The following ASB10 variants were observed in gnomAD, a reference collection of about 807,000 sequenced individuals.
ASB10 encodes the protein ankyrin repeat and SOCS box containing 10, also known as ankyrin repeat and SOCS box protein 10.
A neutral mutation model predicts 35.4 loss-of-function variants in ASB10; 44 were observed. That is an observed-to-expected ratio of 1.24 (90% CI 0.98 to 1.60). The LOEUF is 1.60. Among genes scored for constraint, ASB10 ranks in the 40% most tolerant of loss-of-function variants. The pLI is 0.00. For missense variants in ASB10, 647 were observed against 634.3 expected (o/e 1.02, Z -0.22); for synonymous variants, 294 against 280.4 (o/e 1.05, Z -0.49).
chr7:151,181,744 C>T, intron 2 of ASB10, among the ~76,000 whole-genome samples: 1 of 151,898 alleles, frequency 6.6e-6, no homozygotes, highest in Non-Finnish European at 1.5e-5. Flanking sequence ...TCCAGAGTAG[C>T]TGGGATTACA....
chr7:151,187,524 G>A (rs1364688167), upstream of ASB10: 2 of 1,551,394 alleles, frequency 1.3e-6, no homozygotes, highest in Non-Finnish European at 1.7e-6. This position sits in a 1 kb window ranked among gnomAD's most constrained non-coding sequence, Gnocchi z 5.3. Context: ...CTGTGCGGGG[G>A]GAACAGCTCC....
intron 3 of ASB10, among the ~76,000 whole-genome samples, chr7:151,179,713 T>G (rs1441296313): frequency 6.6e-6 from 1 of 152,170 alleles, no homozygotes; most frequent in Non-Finnish European, 1.5e-5. Flanking sequence ...TGCCAGCCCC[T>G]TTGGTCCCAG....
Position 151,187,058 on chromosome 7 carries a change from C to A in ASB10, c.73G>T (p.Ala25Ser). ...CTGCTGGGCTTCTCCACCAGCCTGG[C>A]ACAGAGGGGGTGTCTGTCATCGAGG... ...EPLDDRHPLC[A>S]RLVEKPSRGS... is the part of the protein sequence containing the mutation. The change falls in exon 1 of 6, where the codon GCC (alanine) becomes TCC (serine). Residue 25 changes from alanine to serine, a missense_variant. Physicochemically the swap from Ala to Ser is moderately conservative, Grantham distance 99. Coordinates refer to ENST00000420175, the MANE Select transcript of ASB10 (RefSeq NM_001142459.2). This position sits in a 1 kb window ranked among gnomAD's most constrained non-coding sequence, Gnocchi z 5.3. The A allele has an allele frequency of 6.2e-7, 1 of 1,609,906 alleles. No individual in the cohort carries two copies. Among genetic ancestry groups the A allele is most frequent in the Non-Finnish European group, 8.5e-7 (1 of 1,178,142 alleles).
chr7:151,185,003 C>T (rs915043370), intron 2 of ASB10, among the ~76,000 whole-genome samples: 1 of 151,334 alleles, frequency 6.6e-6, no homozygotes, highest in Non-Finnish European at 1.5e-5. Flanking sequence ...GCCTGGGCGG[C>T]AGAGCAAGAC....
At chr7:151,181,644 G>C (rs893120482) in intron 2 of ASB10, among the ~76,000 whole-genome samples, 186 bp from the exon 3 acceptor site, 1 of 135,796 alleles carries the variant, frequency 7.4e-6, no homozygotes, top group East Asian at 2.2e-4. Context: ...ACTGAGTCTT[G>C]TTCTACCACC....
intron 2 of ASB10, among the ~76,000 whole-genome samples, chr7:151,182,042 T>A (rs913128301): frequency 3.9e-5 from 6 of 152,238 alleles, no homozygotes; most frequent in African/African-American, 1.4e-4. Context: ...GTTTTACGTG[T>A]TGTAGCTAAT....
intron 3 of ASB10, among the ~76,000 whole-genome samples, chr7:151,177,583 C>G (rs1160319654): frequency 1.4e-5 from 2 of 142,374 alleles, no homozygotes; most frequent in East Asian, 4.8e-4. Context: ...GTAGAGACAG[C>G]TACAAGAGGG....
rs774252887 is a variant in ASB10, at chr7:151,181,342, A to G, written c.701T>C (p.Leu234Pro). Residue 234 changes from leucine to proline, a missense_variant, in exon 3 of 6, where the codon CTT becomes CCT. Physicochemically the swap from Leu to Pro is moderately conservative, Grantham distance 98. Transcript: ENST00000420175. Reference protein sequence around the residue: ...RLGHVELADLLLRRGACPDAR... With the variant: ...RLGHVELADLPLRRGACPDAR... ...ATCAGGACATGCCCCCCGTCTTAGA[A>G]GCAGATCTGCCAGCTCCACATGGCC... 1.9e-6 allele frequency: 3 copies of G among 1,613,214 alleles called. No homozygotes were observed. The highest frequency in any genetic ancestry group is 8.5e-7 in the Non-Finnish European group (1 of 1,179,982).
At chr7:151,184,977 G>T (rs982794682) in intron 2 of ASB10, among the ~76,000 whole-genome samples, 1 of 151,282 alleles carries the variant, frequency 6.6e-6, no homozygotes, top group Non-Finnish European at 1.5e-5. Context: ...AGCCGAGATC[G>T]CACCACTGCA....
chr7:151,177,748 T>C (rs1184161160), intron 3 of ASB10, among the ~76,000 whole-genome samples: 4 of 152,108 alleles, frequency 2.6e-5, no homozygotes, highest in Non-Finnish European at 5.9e-5. Flanking sequence ...GAGGATTTGG[T>C]AGGAGCAGGG....
At chr7:151,180,195 C>T (rs948021012) in intron 3 of ASB10, among the ~76,000 whole-genome samples, 2 of 152,234 alleles carry the variant, frequency 1.3e-5, no homozygotes, top group African/African-American at 4.8e-5. Context: ...ATTATCTATG[C>T]CCCTCCAGAC....
At chr7:151,180,891 C>T (rs781370532) in intron 3 of ASB10, 48 bp downstream of exon 3, 11 of 1,441,766 alleles carry the variant, frequency 7.6e-6, no homozygotes, top group Admixed American at 2.8e-5. Flanking sequence ...CCCAGGTCTC[C>T]CTGTCCCCTC....
At position 151,181,592 on chromosome 7, in the gene ASB10, C is replaced by T. The variant is rs1801495957; in HGVS notation, c.585-134G>A. The T allele has an allele frequency of 3.0e-6, 4 of 1,313,980 alleles. No homozygotes were observed. In the South Asian group the frequency reaches 6.7e-5, roughly 22 times the overall value. The allele number at this position is 1,313,980 out of a possible 1,614,324, so 81.4% of individuals were successfully genotyped here. A position where few individuals can be genotyped will look rare whatever the true frequency, so the allele number is the denominator to read the frequency against. Reference sequence around the variant, plus strand: ...CATCACTGGTCATCCTGGCACCATTCTGCAAGATCAACAGTGCCCTTCTTT... The same window carrying T: ...CATCACTGGTCATCCTGGCACCATTTTGCAAGATCAACAGTGCCCTTCTTT... On this transcript the variant is annotated intron_variant, in intron 2 of 5. Coordinates refer to ENST00000420175, the MANE Select transcript of ASB10 (RefSeq NM_001142459.2).
intron 2 of ASB10, 142 bp downstream of exon 2, chr7:151,186,250 G>A (rs1470611316): frequency 6.7e-6 from 7 of 1,050,258 alleles, no homozygotes; most frequent in Non-Finnish European, 9.5e-6. Flanking sequence ...TGGATGGCTT[G>A]GGAAGTAATT....
intron 3 of ASB10, among the ~76,000 whole-genome samples, chr7:151,179,461 C>T (rs1335931065): frequency 1.3e-5 from 2 of 152,246 alleles, no homozygotes; most frequent in African/African-American, 4.8e-5. Flanking sequence ...GCTTTCCATC[C>T]TGTTAGGGAG....
rs564312174 is a variant in ASB10 at position 151,178,180 on chromosome 7, C to T, written c.1105-1504G>A. On this transcript the variant is annotated intron_variant, in intron 3 of 5. Coordinates refer to ENST00000420175, the MANE Select transcript of ASB10 (RefSeq NM_001142459.2). ...AAGAGAATCTCTTGAGCCTGGGAGG[C>T]AGAGGTTGCAGTGAGCCGGGATCGT... Among the ~76,000 whole-genome samples, 3 of 152,170 alleles carry T rather than the reference C, an allele frequency of 2.0e-5. No homozygotes were observed. In the East Asian group the frequency reaches 5.8e-4, roughly 29 times the overall value.
Position 151,186,810 on chromosome 7 carries a change from C to G in ASB10, c.316+5G>C, listed in dbSNP as rs764697396. The G allele has an allele frequency of 2.5e-6, 4 of 1,583,492 alleles. No individual in the cohort carries two copies. The highest frequency in any genetic ancestry group is 3.4e-6 in the Non-Finnish European group (4 of 1,161,602). On this transcript the variant is annotated splice_donor_5th_base_variant and intron_variant, in intron 1 of 5. Transcript: ENST00000420175. ...ACTGAGAGCCCCCAGTGCCCCGGCC[C>G]GTACTCAGAGCACGGATGTTGAAGC... is the stretch of plus-strand genomic sequence containing the variant.
intron 5 of ASB10, 65 bp downstream of exon 5, chr7:151,176,047 C>T (rs1201880931): frequency 1.3e-6 from 2 of 1,561,368 alleles, no homozygotes; most frequent in African/African-American, 1.4e-5. Context: ...CCCAACCCTT[C>T]TCTTGCCTTC....
rs151344615 is a variant in ASB10, at chr7:151,186,988, G to C, written c.143C>G (p.Thr48Ser). The C allele has an allele frequency of 9.8e-5, 158 of 1,611,950 alleles. No individual in the cohort carries two copies. The highest frequency in any genetic ancestry group is 1.2e-4 in the Non-Finnish European group (137 of 1,178,628). ...AAGGGCAGGTCCTGAGGCTGTGCGGGTGACGATGGGTCCCGGGCCAGACTT... is the reference window on the plus strand; with the variant it reads ...AAGGGCAGGTCCTGAGGCTGTGCGGCTGACGATGGGTCCCGGGCCAGACTT... Reference protein sequence around the residue: ...HLKSGPGPIVTRTASGPALAF... With the variant: ...HLKSGPGPIVSRTASGPALAF... Residue 48 changes from threonine to serine, a missense_variant, in exon 1 of 6, where the codon ACC (threonine) becomes AGC (serine). By Grantham distance (58) the Thr-to-Ser change is moderately conservative. Transcript: ENST00000420175.
Sources: gnomAD v4.1 joint callset for allele counts (sites outside exome capture counted in the v4.1 genomes callset) on GRCh38, gnomAD v4.1.1 for gene constraint, Gnocchi (gnomAD v3.1) non-coding constraint, MANE v1.5 for transcripts, NCBI Gene and HGNC (gene_info 2026-07-23, HGNC 2026-07-21) for gene names.